RAD54L: variants seen among roughly 807,000 people sequenced by gnomAD.
RAD54L encodes DNA repair and recombination protein RAD54-like.
Under a neutral mutation model 91.6 loss-of-function variants are expected in RAD54L, and 74 were observed. That is an observed-to-expected ratio of 0.81 (90% CI 0.67 to 0.98). The LOEUF (loss-of-function observed/expected upper bound fraction) is 0.98. RAD54L is among the 50% of genes least tolerant of loss of function. The pLI is 0.00. For missense variants in RAD54L, 887 were observed against 945.7 expected, an observed-to-expected ratio of 0.94 and a Z score of 0.81; for synonymous variants, 304 against 349.7, an observed-to-expected ratio of 0.87 and a Z score of 1.46.
intron 8 of RAD54L, among the ~76,000 whole-genome samples, chr1:46,267,188 C>T (rs1660289108): frequency 6.6e-6 from 1 of 152,138 alleles, no homozygotes; most frequent in African/African-American, 2.4e-5. Flanking sequence ...CTCAGCCTCC[C>T]AAGTAGCTGG....
At chr1:46,250,859 C>T (rs1659777806) in intron 3 of RAD54L, among the ~76,000 whole-genome samples, 1 of 150,476 alleles carries the variant, frequency 6.6e-6, no homozygotes, top group South Asian at 2.1e-4. Context: ...CCTGTAGTCC[C>T]AGCTACTCAA....
rs747295532 is a variant in RAD54L, at chr1:46,273,670, T to G, written c.1533T>G (p.Arg511=). The G allele has an allele frequency of 7.4e-6, 12 of 1,613,926 alleles. No individual in the cohort carries two copies. Among genetic ancestry groups the G allele is most frequent in the Non-Finnish European group, 1.0e-5 (12 of 1,180,022 alleles). Residue 511 remains arginine, a synonymous_variant, in exon 14 of 18, where the codon CGT becomes CGG. Transcript: ENST00000371975. The part of the protein sequence containing the change: ...LDYILAVTRS[R]SSDKVVLVSN... The stretch of plus-strand genomic sequence containing the variant: ...ATATTCTGGCGGTGACCCGAAGCCG[T>G]AGCAGTGACAAAGTAGTGCTGGTGT...
In RAD54L at chr1:46,270,772, A is replaced by G. The variant is rs1660402002; in HGVS notation, c.1156A>G (p.Ser386Gly). 6.2e-7 allele frequency: 1 copy of G among 1,614,194 alleles called. No individual in the cohort carries two copies. Among genetic ancestry groups the G allele is most frequent in the Non-Finnish European group, 8.5e-7 (1 of 1,180,030 alleles). Reference sequence around the variant, plus strand: ...AGAGGAGCGGCTGCGGGAGCTCACCAGCATTGTGAATAGGTAATGACCTTA... The same window carrying G: ...AGAGGAGCGGCTGCGGGAGCTCACCGGCATTGTGAATAGGTAATGACCTTA... ...LGEERLRELTSIVNRCLIRRT... is the reference protein window; with the variant it reads ...LGEERLRELTGIVNRCLIRRT... Residue 386 changes from serine to glycine, a missense_variant, in exon 10 of 18, where the codon AGC becomes GGC. By Grantham distance (56) the Ser-to-Gly change is moderately conservative. Coordinates refer to ENST00000371975, the MANE Select transcript of RAD54L (RefSeq NM_003579.4).
chr1:46,274,083 T>A lies in RAD54L; in HGVS notation c.1611-55T>A, dbSNP rs74509509. On this transcript the variant is annotated intron_variant, in intron 14 of 17. Coordinates refer to ENST00000371975, the MANE Select transcript of RAD54L (RefSeq NM_003579.4). ...TTAAAAAAATTTTTATTTTTAATTT[T>A]TTTTCCCCCTAATCATTGAAGCTTT... 1,916 of 1,523,584 alleles carry A rather than the reference T, an allele frequency of 1.3e-3. 25 individuals are homozygous for A. In the South Asian group the frequency reaches 0.013, roughly 11 times the overall value. The allele number at this position is 1,523,584 out of a possible 1,614,324, so 94.4% of individuals were successfully genotyped here.
intron 16 of RAD54L, among the ~76,000 whole-genome samples, chr1:46,275,009 ATCCCCTG>A (rs1041639042): frequency 2.6e-5 from 4 of 152,164 alleles, no homozygotes; most frequent in Non-Finnish European, 5.9e-5. Flanking sequence ...GTCTTCTCTC[ATCCCCTG>A]TCCTATTTGC....
rs1660239608 is a variant in RAD54L at position 46,265,388 on chromosome 1, C to CA, written c.892-2070dup. Among the ~76,000 whole-genome samples, 2 of 152,078 alleles carry CA rather than the reference C, an allele frequency of 1.3e-5. No individual in the cohort carries two copies. The highest frequency in any genetic ancestry group is 1.3e-4 in the Admixed American group (2 of 15,262). On this transcript the variant is annotated intron_variant, in intron 8 of 17. Coordinates refer to ENST00000371975, the MANE Select transcript of RAD54L (RefSeq NM_003579.4). This position sits in a 1 kb window ranked among gnomAD's most constrained non-coding sequence, Gnocchi z 4.8. ...ATACCAGCAACTCAGGAAGCTGAGG[C>CA]ACAAGAATTGCTTGAACTGGGGAGG... is the stretch of plus-strand genomic sequence containing the variant.
At chr1:46,269,078 G>T (rs1372718439) in intron 9 of RAD54L, among the ~76,000 whole-genome samples, 4 of 152,070 alleles carry the variant, frequency 2.6e-5, no homozygotes, top group Non-Finnish European at 5.9e-5. Context: ...ATCTTTTTCT[G>T]TTTGGATATC....
At chr1:46,250,748 G>A (rs1376216632) in intron 3 of RAD54L, among the ~76,000 whole-genome samples, 2 of 152,108 alleles carry the variant, frequency 1.3e-5, no homozygotes, top group Non-Finnish European at 2.9e-5. Flanking sequence ...GCTGAGATGG[G>A]TGGATCAACT....
At position 46,263,307 on chromosome 1, in the gene RAD54L, A is replaced by G. The variant is rs533094282; in HGVS notation, c.891+1922A>G. 1.8e-4 allele frequency among the ~76,000 whole-genome samples: 27 copies of G among 152,310 alleles called. No homozygotes were observed. In the South Asian group the frequency reaches 1.9e-3, roughly 11 times the overall value. ...AGCTTCCTACTATAGAGAATTTCCCAGGACTTCCCAGTGGGCTTGGCGACC... is the reference window on the plus strand; with the variant it reads ...AGCTTCCTACTATAGAGAATTTCCCGGGACTTCCCAGTGGGCTTGGCGACC... On this transcript the variant is annotated intron_variant, in intron 8 of 17. Coordinates refer to ENST00000371975, the MANE Select transcript of RAD54L (RefSeq NM_003579.4). The surrounding 1 kb of genome is among the most constrained non-coding windows in gnomAD (Gnocchi z 4.3).
At chr1:46,250,219 G>T (rs1571710283) in intron 3 of RAD54L, 100 bp downstream of exon 3, 2 of 1,515,796 alleles carry the variant, frequency 1.3e-6, no homozygotes, top group Non-Finnish European at 1.8e-6. Flanking sequence ...TTCTAGAGTG[G>T]CCAGAAGACA....
chr1:46,253,516 G>GA lies in RAD54L; in HGVS notation c.210+3398dup, dbSNP rs1282800832. 2.6e-5 allele frequency among the ~76,000 whole-genome samples: 4 copies of GA among 152,072 alleles called. No homozygotes were observed. The East Asian group carries it at 7.7e-4, about 29-fold the overall frequency. Reference sequence around the variant, plus strand: ...GGCGCCTGTAGTCCTAGCTACTCGAGAGGCTGAGGAATGGCATGAACCCGG... The same window carrying GA: ...GGCGCCTGTAGTCCTAGCTACTCGAGAAGGCTGAGGAATGGCATGAACCCGG... On this transcript the variant is annotated intron_variant, in intron 3 of 17. Transcript: ENST00000371975.
At chr1:46,271,853 C>G (rs1460701981) in intron 10 of RAD54L, among the ~76,000 whole-genome samples, 1 of 151,966 alleles carries the variant, frequency 6.6e-6, no homozygotes, top group Non-Finnish European at 1.5e-5. Flanking sequence ...TTACAACTTG[C>G]TTTTCCTGTT....
chr1:46,259,465 C>A (rs1164574095), intron 4 of RAD54L, among the ~76,000 whole-genome samples: 1 of 152,060 alleles, frequency 6.6e-6, no homozygotes, highest in South Asian at 2.1e-4. Context: ...GGGAAAAGCT[C>A]TGATTCAAAG....
rs1393300090 is a variant in RAD54L, at chr1:46,263,853, A to G, written c.891+2468A>G. 6.6e-6 allele frequency among the ~76,000 whole-genome samples: 1 copy of G among 152,050 alleles called. No homozygotes were observed. Among genetic ancestry groups the G allele is most frequent in the Non-Finnish European group, 1.5e-5 (1 of 68,006 alleles). On this transcript the variant is annotated intron_variant, in intron 8 of 17. Coordinates refer to ENST00000371975, the MANE Select transcript of RAD54L (RefSeq NM_003579.4). This position sits in a 1 kb window ranked among gnomAD's most constrained non-coding sequence, Gnocchi z 4.3. ...TTGTTCTGTTGTCCAGATGGAGTGC[A>G]GTGACGTGATCTTGGCTCACCGCAA...
rs1326236968 is a variant in RAD54L at position 46,269,075 on chromosome 1, T to C, written c.1042+1466T>C. ...CCCCTATGCCTGGCTTCCATCTTTT[T>C]CTGTTTGGATATCTGGTTCACCCTA... On this transcript the variant is annotated intron_variant, in intron 9 of 17. Coordinates refer to ENST00000371975, the MANE Select transcript of RAD54L (RefSeq NM_003579.4). 4.6e-5 allele frequency among the ~76,000 whole-genome samples: 7 copies of C among 152,208 alleles called. No homozygotes were observed. In the East Asian group the frequency reaches 1.3e-3, roughly 29 times the overall value.
In RAD54L at chr1:46,277,918, T is replaced by C; in HGVS notation, c.1971T>C (p.Ser657=). ...DEEQDVERHF[S]LGELKELFIL... is the part of the protein sequence containing the mutation. Reference sequence around the variant, plus strand: ...AGCAGGATGTAGAGCGCCACTTCTCTCTGGGCGAGTTGAAGGAGCTGTTTA... The same window carrying C: ...AGCAGGATGTAGAGCGCCACTTCTCCCTGGGCGAGTTGAAGGAGCTGTTTA... Residue 657 remains serine, a synonymous_variant, in exon 17 of 18, where the codon TCT becomes TCC. Coordinates refer to ENST00000371975, the MANE Select transcript of RAD54L (RefSeq NM_003579.4). 1.9e-6 allele frequency: 3 copies of C among 1,614,130 alleles called. No individual in the cohort carries two copies. Among genetic ancestry groups the C allele is most frequent in the Non-Finnish European group, 2.5e-6 (3 of 1,180,036 alleles).
In RAD54L at chr1:46,273,365, A is replaced by G; in HGVS notation, c.1386A>G (p.Leu462=). Residue 462 remains leucine (L), a synonymous_variant, in exon 13 of 18, where the codon CTA becomes CTG. Coordinates refer to ENST00000371975, the MANE Select transcript of RAD54L (RefSeq NM_003579.4). ...TTTGTTTTCTCCCAGATCCAGCTCT[A>G]ATCTATGATAAGTGTGTGGAAGAGG... ...SLKKLCNHPA[L]IYDKCVEEED... The G allele has an allele frequency of 6.2e-7, 1 of 1,611,960 alleles. No homozygotes were observed. The highest frequency in any genetic ancestry group is 8.5e-7 in the Non-Finnish European group (1 of 1,177,992).
In RAD54L at chr1:46,274,578, G is replaced by A. The variant is rs1660539095; in HGVS notation, c.1730G>A (p.Gly577Asp). 2 of 1,613,492 alleles carry A rather than the reference G, an allele frequency of 1.2e-6. No individual in the cohort carries two copies. The highest frequency in any genetic ancestry group is 1.7e-6 in the Non-Finnish European group (2 of 1,180,028). Residue 577 changes from glycine (G) to aspartate (D), a missense_variant, in exon 16 of 18, where the codon GGC (glycine) becomes GAC (aspartate). Physicochemically the swap from Gly to Asp is moderately conservative, Grantham distance 94 (BLOSUM62 -1). Transcript: ENST00000371975. Reference protein sequence around the residue: ...FVFMLSSKAGGCGLNLIGANR... With the variant: ...FVFMLSSKAGDCGLNLIGANR... ...TTCATGCTGAGCAGCAAAGCTGGGG[G>A]CTGTGGCCTCAATCTCATTGGGGCT...
At chr1:46,270,876 G>A (rs779684020) in intron 10 of RAD54L, 91 bp downstream of exon 10, 1 of 1,564,556 alleles carries the variant, frequency 6.4e-7, no homozygotes, top group Non-Finnish European at 8.7e-7. Flanking sequence ...GCCCTCAAAG[G>A]CTGGGATTCT....
Sources: allele counts gnomAD v4.1 joint callset (sites outside exome capture counted in the v4.1 genomes callset), GRCh38; gene constraint gnomAD v4.1.1; non-coding constraint Gnocchi (gnomAD v3.1); transcripts MANE v1.5; gene names NCBI Gene and HGNC (gene_info 2026-07-23, HGNC 2026-07-21).